NUP85: variants seen among roughly 807,000 people sequenced by gnomAD.
The protein encoded by NUP85 is nucleoporin 85.
NUP85 carries 23 observed loss-of-function variants against 92.8 expected under a neutral mutation model. The ratio of observed to expected loss-of-function variants is 0.25; its 90% confidence interval spans 0.18 to 0.35. NUP85 has a LOEUF of 0.35. NUP85 is among the 10% of genes least tolerant of loss of function. The pLI, the probability that NUP85 is intolerant of heterozygous loss-of-function variation, is 1.00. For synonymous variants in NUP85, 314 were observed against 306.9 expected (o/e 1.02, Z -0.24); for missense variants, 759 against 822.8 (o/e 0.92, Z 0.95).
At chr17:75,212,204 T>C (rs1224300511) in intron 4 of NUP85, 142 bp downstream of exon 4, 1 of 399,910 alleles carries the variant, frequency 2.5e-6, no homozygotes, top group Non-Finnish European at 4.4e-6. Flanking sequence ...TTCATAATCC[T>C]TACTTTTTTG....
Position 75,215,062 on chromosome 17 carries a change from T to G in NUP85, c.406-692T>G, listed in dbSNP as rs557046418. Among the ~76,000 whole-genome samples the G allele has an allele frequency of 3.6e-3, 553 of 152,014 alleles. 3 individuals are homozygous for G. The highest frequency in any genetic ancestry group is 0.013 in the African/African-American group (529 of 41,460). On this transcript the variant is annotated intron_variant, in intron 5 of 18. Coordinates refer to ENST00000245544, the MANE Select transcript of NUP85 (RefSeq NM_024844.5). ...GGCAGGCGCCTGTAATCCCAGCTACTGGGGAGGCTGAGGCAGGAGAATCAC... is the reference window on the plus strand; with the variant it reads ...GGCAGGCGCCTGTAATCCCAGCTACGGGGGAGGCTGAGGCAGGAGAATCAC...
chr17:75,233,437 C>CTT (rs60396796), intron 16 of NUP85, among the ~76,000 whole-genome samples: 2,532 of 117,028 alleles, frequency 0.022, 210 homozygotes, highest in African/African-American at 0.066. Flanking sequence ...TTTATTTTTT[C>CTT]TTTTTTTTTT....
chr17:75,231,113 G>A lies in NUP85; in HGVS notation c.1095-227G>A, dbSNP rs2076040016. 1 of 513,604 alleles carries A rather than the reference G, an allele frequency of 1.9e-6. No individual in the cohort carries two copies. The highest frequency in any genetic ancestry group is 3.3e-5 in the Admixed American group (1 of 30,666). 31.8% of individuals were successfully genotyped at this position (513,604 alleles called of 1,614,324 possible). On this transcript the variant is annotated intron_variant, in intron 11 of 18. Coordinates refer to ENST00000245544, the MANE Select transcript of NUP85 (RefSeq NM_024844.5). The surrounding 1 kb of genome is among the most constrained non-coding windows in gnomAD (Gnocchi z 4.6). ...TGCCTGGCTAATTTTTGTATTTGTA[G>A]AGATGGGGTTTTGCCATGTTGCCCA...
At position 75,225,389 on chromosome 17, in the gene NUP85, C is replaced by G; in HGVS notation, c.780C>G (p.His260Gln). 6.2e-7 allele frequency: 1 copy of G among 1,614,222 alleles called. No individual in the cohort carries two copies. Among genetic ancestry groups the G allele is most frequent in the Non-Finnish European group, 8.5e-7 (1 of 1,180,040 alleles). ...CAGAGCTGGAGCTGAAGTGGCAGCACTGGCACGAGGAATGTGAGCGGTACC... is the reference window on the plus strand; with the variant it reads ...CAGAGCTGGAGCTGAAGTGGCAGCAGTGGCACGAGGAATGTGAGCGGTACC... ...TLTELELKWQ[H>Q]WHEECERYLQ... is the part of the protein sequence containing the mutation. Residue 260 changes from histidine to glutamine, a missense_variant, in exon 9 of 19, where the codon CAC becomes CAG. Transcript: ENST00000245544.
Position 75,231,919 on chromosome 17 carries a change from A to G in NUP85, c.1336A>G (p.Thr446Ala), listed in dbSNP as rs1219456093. ...ELHIERIPLN[T>A]EQKALKVLRI... ...GCACATTGAGCGGATACCTCTGAAC[A>G]CCGAGCAGAAAGCCCTGAAGGTGCT... Residue 446 changes from threonine to alanine, a missense_variant, in exon 14 of 19, where the codon ACC (threonine) becomes GCC (alanine). By Grantham distance (58) the Thr-to-Ala change is moderately conservative. Coordinates refer to ENST00000245544, the MANE Select transcript of NUP85 (RefSeq NM_024844.5). The surrounding 1 kb of genome is among the most constrained non-coding windows in gnomAD (Gnocchi z 4.6). The G allele has an allele frequency of 6.2e-7, 1 of 1,614,178 alleles. No homozygotes were observed. Among genetic ancestry groups the G allele is most frequent in the East Asian group, 2.2e-5 (1 of 44,880 alleles).
At chr17:75,229,492 G>A (rs2075957743) in intron 11 of NUP85, among the ~76,000 whole-genome samples, 1 of 152,162 alleles carries the variant, frequency 6.6e-6, no homozygotes, top group African/African-American at 2.4e-5. Flanking sequence ...TGATAATTAG[G>A]CCTTTCTTGC....
chr17:75,232,596 G>A (rs1326074063), intron 14 of NUP85, among the ~76,000 whole-genome samples: 2 of 152,156 alleles, frequency 1.3e-5, no homozygotes, highest in Non-Finnish European at 2.9e-5. Flanking sequence ...CATGTAGGGA[G>A]CAACGTTTTG....
rs1426485394 is a variant in NUP85 at position 75,231,576 on chromosome 17, C to T, written c.1182C>T (p.Phe394=). 7 of 1,614,166 alleles carry T rather than the reference C, an allele frequency of 4.3e-6. No individual in the cohort carries two copies. The highest frequency in any genetic ancestry group is 2.2e-5 in the East Asian group (1 of 44,888). The change falls in exon 13 of 19, where the codon TTC becomes TTT. Residue 394 remains phenylalanine, a synonymous_variant. Coordinates refer to ENST00000245544, the MANE Select transcript of NUP85 (RefSeq NM_024844.5). This position sits in a 1 kb window ranked among gnomAD's most constrained non-coding sequence, Gnocchi z 4.6. ...CTTTTGTTATGTTTTATTCCAGTTT[C>T]GGTTCCAACATGAGAGAGTTCCTCC... ...CKLLQSHNLY[F]GSNMREFLLL...
intron 4 of NUP85, 49 bp downstream of exon 4, chr17:75,212,111 G>GTTT: frequency 2.5e-6 from 1 of 402,144 alleles, no homozygotes; most frequent in South Asian, 4.5e-5. Flanking sequence ...TGTGTGTGTG[G>GTTT]GTATTTTGAG....
chr17:75,218,590 T>TTTTTG lies in NUP85; in HGVS notation c.597+288_597+289insGTTTT, dbSNP rs1171451099. 8.7e-4 allele frequency among the ~76,000 whole-genome samples: 115 copies of TTTTTG among 131,984 alleles called. 7 individuals are homozygous for TTTTTG. The highest frequency in any genetic ancestry group is 3.0e-3 in the African/African-American group (105 of 35,486). 86.6% of individuals were successfully genotyped at this position (131,984 alleles called of 152,430 possible). A position where few individuals can be genotyped will look rare whatever the true frequency, so the allele number is the denominator to read the frequency against. ...GACACAAAAAGGAATACAAAACCGT[T>TTTTTG]TTTTTTTTTTTTTTTTTGAGACAGG... On this transcript the variant is annotated intron_variant, in intron 7 of 18. Transcript: ENST00000245544.
At chr17:75,214,875 C>T (rs947880447) in intron 5 of NUP85, among the ~76,000 whole-genome samples, 1 of 147,464 alleles carries the variant, frequency 6.8e-6, no homozygotes, top group Non-Finnish European at 1.5e-5. Flanking sequence ...AAACAAAAAA[C>T]AAAAACTGAG....
At position 75,225,402 on chromosome 17, in the gene NUP85, T is replaced by C. The variant is rs1283932108; in HGVS notation, c.793T>C (p.Cys265Arg). Residue 265 changes from cysteine (C) to arginine (R), a missense_variant, in exon 9 of 19, where the codon TGT becomes CGT. Cys to Arg is a radical substitution (Grantham distance 180). Coordinates refer to ENST00000245544, the MANE Select transcript of NUP85 (RefSeq NM_024844.5). ...GAAGTGGCAGCACTGGCACGAGGAA[T>C]GTGAGCGGTACCTCCAGGACAGCAC... ...ELKWQHWHEE[C>R]ERYLQDSTFA... 1.9e-6 allele frequency: 3 copies of C among 1,614,166 alleles called. No homozygotes were observed. Among genetic ancestry groups the C allele is most frequent in the East Asian group, 2.2e-5 (1 of 44,884 alleles).
Position 75,231,049 on chromosome 17 carries a change from A to T in NUP85, c.1095-291A>T. 2.8e-6 allele frequency: 1 copy of T among 352,608 alleles called. No homozygotes were observed. 21.8% of individuals were successfully genotyped at this position (352,608 alleles called of 1,614,324 possible). ...CAGGCTCAAGCAATACTCCCACCCCAGCTTCTCGAGTAGCTGGGATTACAG... is the reference window on the plus strand; with the variant it reads ...CAGGCTCAAGCAATACTCCCACCCCTGCTTCTCGAGTAGCTGGGATTACAG... On this transcript the variant is annotated intron_variant, in intron 11 of 18. Transcript: ENST00000245544. The surrounding 1 kb of genome is among the most constrained non-coding windows in gnomAD (Gnocchi z 4.6).
intron 1 of NUP85, among the ~76,000 whole-genome samples, chr17:75,207,896 A>G (rs2075133926): frequency 6.6e-6 from 1 of 151,954 alleles, no homozygotes; most frequent in South Asian, 2.1e-4. Context: ...AAGCTGAGGC[A>G]GGAGAATCAC....
chr17:75,215,635 C>T, intron 5 of NUP85, 119 bp from the exon 6 acceptor site: 2 of 852,494 alleles, frequency 2.3e-6, no homozygotes, highest in Non-Finnish European at 3.8e-6. Flanking sequence ...AGTAGGATTG[C>T]AGTAACCTTT....
intron 11 of NUP85, chr17:75,228,357 C>G: frequency 1.0e-6 from 1 of 985,430 alleles, no homozygotes; most frequent in Non-Finnish European, 1.2e-6. Context: ...TCTCTCCACT[C>G]TCACAAGCAG....
Position 75,235,664 on chromosome 17 carries a change from A to G in NUP85, c.1956A>G (p.Ser652=), listed in dbSNP as rs2076306136. ...CTCGGGCAATTATAAGAGAAGGCTC[A>G]CTGGAAGGTTCCTGAGAACTGCTTC... ...NLARAIIREG[S]LEGS is the part of the protein sequence containing the mutation. The change falls in exon 19 of 19, where the codon TCA becomes TCG. Residue 652 remains serine (S), a synonymous_variant. Coordinates refer to ENST00000245544, the MANE Select transcript of NUP85 (RefSeq NM_024844.5). 1.2e-6 allele frequency: 2 copies of G among 1,613,308 alleles called. No homozygotes were observed.
intron 16 of NUP85, among the ~76,000 whole-genome samples, chr17:75,234,364 A>G (rs1320802633): frequency 2.0e-5 from 3 of 152,236 alleles, no homozygotes; most frequent in East Asian, 1.9e-4. Flanking sequence ...GGCCTAGTCA[A>G]TCTCTTTTAA....
At chr17:75,209,644 A>C (rs189728978) in intron 2 of NUP85, among the ~76,000 whole-genome samples, 179 bp from the exon 3 acceptor site, 2 of 152,154 alleles carry the variant, frequency 1.3e-5, no homozygotes, top group African/African-American at 2.4e-5. Flanking sequence ...GGGTTTTGCT[A>C]TGTTGGCCAG....
Sources: gnomAD v4.1 joint callset for allele counts (sites outside exome capture counted in the v4.1 genomes callset) on GRCh38, gnomAD v4.1.1 for gene constraint, Gnocchi (gnomAD v3.1) non-coding constraint, MANE v1.5 for transcripts, NCBI Gene and HGNC (gene_info 2026-07-23, HGNC 2026-07-21) for gene names.